ATP2B2: variants seen among roughly 807,000 people sequenced by gnomAD.
ATP2B2 encodes the protein plasma membrane calcium-transporting ATPase 2.
A neutral mutation model predicts 120.0 loss-of-function variants in ATP2B2; 15 were observed. The observed-to-expected ratio is 0.12, with a 90% CI of 0.08 to 0.19. The LOEUF (loss-of-function observed/expected upper bound fraction) is 0.19, where lower values mean the gene tolerates loss of function less well. Ranked by LOEUF, ATP2B2 falls within the 10% of genes least tolerant of loss-of-function variation. The probability of loss-of-function intolerance (pLI) is 1.00; values close to 1 mark genes in which losing one functional copy is unlikely to be tolerated. For synonymous variants in ATP2B2, 694 were observed against 700.3 expected, an observed-to-expected ratio of 0.99 and a Z score of 0.14; for missense variants, 1,045 against 1,719.8, an observed-to-expected ratio of 0.61 and a Z score of 6.94.
chr3:10,683,772 A>ATATG (rs2071446896), intron 1 of ATP2B2, among the ~76,000 whole-genome samples: 1 of 81,186 alleles, frequency 1.2e-5, no homozygotes. Flanking sequence ...ATATATATAT[A>ATATG]TATATATATA....
At chr3:10,631,646 C>A (rs888291952) in intron 1 of ATP2B2, among the ~76,000 whole-genome samples, 5 of 152,194 alleles carry the variant, frequency 3.3e-5, no homozygotes, top group African/African-American at 2.4e-5. Flanking sequence ...CACTCCCAAT[C>A]CCAGGCTGGC....
chr3:10,336,175 G>A, intron 22 of ATP2B2: 2 of 1,550,680 alleles, frequency 1.3e-6, no homozygotes, highest in Non-Finnish European at 1.7e-6. Context: ...AAAGAGCATT[G>A]GACAACGACA....
At chr3:10,663,799 G>C (rs2070852209) in intron 1 of ATP2B2, among the ~76,000 whole-genome samples, 1 of 152,152 alleles carries the variant, frequency 6.6e-6, no homozygotes, top group African/African-American at 2.4e-5. Context: ...CACCTTCCTG[G>C]CATGGGGCTT....
chr3:10,651,031 T>C (rs1191299708), intron 1 of ATP2B2, among the ~76,000 whole-genome samples: 3 of 152,222 alleles, frequency 2.0e-5, no homozygotes, highest in Admixed American at 6.5e-5. Context: ...TTGGAATGGC[T>C]GTAGTTACCC....
intron 18 of ATP2B2, among the ~76,000 whole-genome samples, chr3:10,345,051 C>T (rs893739398): frequency 2.6e-5 from 4 of 152,238 alleles, no homozygotes; most frequent in South Asian, 2.1e-4. Flanking sequence ...CCTCTGCCCT[C>T]GTGGTGGCCA....
intron 2 of ATP2B2, among the ~76,000 whole-genome samples, chr3:10,417,474 C>T (rs955842056): frequency 1.3e-5 from 2 of 152,288 alleles, no homozygotes; most frequent in South Asian, 4.1e-4. Flanking sequence ...GCTGGACGGC[C>T]CACAATGGGT....
At chr3:10,584,682 CTTAA>C (rs1170791069) in intron 2 of ATP2B2, among the ~76,000 whole-genome samples, 11 of 152,292 alleles carry the variant, frequency 7.2e-5, no homozygotes, top group Admixed American at 5.2e-4. Context: ...GCCTTAACTC[CTTAA>C]TTATTTTCCA....
chr3:10,485,843 G>T (rs1028432184), intron 1 of ATP2B2, among the ~76,000 whole-genome samples: 2 of 152,144 alleles, frequency 1.3e-5, no homozygotes, highest in Admixed American at 1.3e-4. Flanking sequence ...GTGCTCTTGG[G>T]AGTCAGGAAG....
chr3:10,488,534 C>A (rs1027554093), intron 1 of ATP2B2, among the ~76,000 whole-genome samples: 1 of 150,382 alleles, frequency 6.6e-6, no homozygotes, highest in African/African-American at 2.4e-5. Context: ...TTCCTTCTTT[C>A]CTTCCTTCCT....
intron 5 of ATP2B2, among the ~76,000 whole-genome samples, chr3:10,391,577 G>A (rs999327094): frequency 6.6e-6 from 1 of 152,220 alleles, no homozygotes; most frequent in Non-Finnish European, 1.5e-5. Flanking sequence ...CCGGAGGCAG[G>A]GAGGTGGCAG....
At chr3:10,416,999 C>T (rs1215035944) in intron 2 of ATP2B2, among the ~76,000 whole-genome samples, 8 of 138,042 alleles carry the variant, frequency 5.8e-5, no homozygotes, top group African/African-American at 2.0e-4. Context: ...AGTGGCCAGG[C>T]AGAGGGGCTC....
chr3:10,465,713 A>G (rs2064707136), intron 1 of ATP2B2, among the ~76,000 whole-genome samples: 1 of 152,208 alleles, frequency 6.6e-6, no homozygotes, highest in African/African-American at 2.4e-5. Flanking sequence ...TCAGGTCTTC[A>G]CTACTTCTGA....
chr3:10,505,799 G>GA (rs2066606319), upstream of ATP2B2: 1 of 148,204 alleles, frequency 6.7e-6, no homozygotes, highest in Non-Finnish European at 1.5e-5. Context: ...GTGGGGGGCG[G>GA]GGGGGGTGTG....
intron 1 of ATP2B2, among the ~76,000 whole-genome samples, chr3:10,476,623 C>A (rs2065213140): frequency 1.3e-5 from 2 of 152,248 alleles, no homozygotes; most frequent in African/African-American, 4.8e-5. Context: ...GTCAGTAACT[C>A]CCCTCCATGC....
intron 1 of ATP2B2, among the ~76,000 whole-genome samples, chr3:10,486,758 C>T (rs759287333): frequency 2.0e-5 from 3 of 152,126 alleles, no homozygotes; most frequent in African/African-American, 4.8e-5. Context: ...CTCACTCTGT[C>T]GCCCAGGCTG....
At chr3:10,657,120 C>T (rs9840860) in intron 1 of ATP2B2, among the ~76,000 whole-genome samples, 33,341 of 152,158 alleles carry the variant, frequency 0.22, 6,090 homozygotes, top group African/African-American at 0.49. Context: ...TCTTAAAAGA[C>T]ATCTTTGGCT....
At chr3:10,440,457 T>A (rs2063626279) in intron 2 of ATP2B2, among the ~76,000 whole-genome samples, 1 of 152,202 alleles carries the variant, frequency 6.6e-6, no homozygotes, top group Non-Finnish European at 1.5e-5. Flanking sequence ...TCTACAAAAA[T>A]GAATCTGTAG....
At chr3:10,512,464 G>GCGCACACAGACACACAGACA (rs749056818) in intron 3 of ATP2B2, among the ~76,000 whole-genome samples, 13 of 137,026 alleles carry the variant, frequency 9.5e-5, no homozygotes, top group African/African-American at 3.8e-4. Flanking sequence ...AAGTGTGTGC[G>GCGCACACAGACACACAGACA]CACACACACA....
Position 10,682,973 on chromosome 3 carries a change from T to C in ATP2B2, c.-460+24942A>G, listed in dbSNP as rs139585024. 3.6e-3 allele frequency among the ~76,000 whole-genome samples: 551 copies of C among 152,266 alleles called. 2 individuals are homozygous for C. The highest frequency in any genetic ancestry group is 0.012 in the African/African-American group (519 of 41,568). On this transcript the variant is annotated intron_variant, in intron 1 of 21. Transcript: ENST00000646379. ...TGCAAACGGTAATGTGCTGTGCCCA[T>C]GTTAGCCCTCTGTATGCAATTGGGT...
Sources: allele counts gnomAD v4.1 joint callset (sites outside exome capture counted in the v4.1 genomes callset), GRCh38; gene constraint gnomAD v4.1.1; transcripts MANE v1.5; gene names NCBI Gene and HGNC (gene_info 2026-07-23, HGNC 2026-07-21).